Variants in ATG3 observed in about 807,000 individuals in gnomAD.
ATG3 encodes the protein autophagy related 3, also known as ubiquitin-like-conjugating enzyme ATG3.
ATG3 carries 25 observed loss-of-function variants against 50.7 expected under a neutral mutation model. That is an observed-to-expected ratio of 0.49 (90% CI 0.36 to 0.69). ATG3 has a LOEUF of 0.69. Ranked by LOEUF, ATG3 falls within the 30% of genes least tolerant of loss-of-function variation. The pLI is 0.00. For synonymous variants in ATG3, 119 were observed against 125.5 expected, an observed-to-expected ratio of 0.95 and a Z score of 0.34; for missense variants, 281 against 376.0, an observed-to-expected ratio of 0.75 and a Z score of 2.09.
Position 112,548,277 on chromosome 3 carries a change from G to A in ATG3, c.343+256C>T, listed in dbSNP as rs912394322. Among the ~76,000 whole-genome samples, 13 of 152,108 alleles carry A rather than the reference G, an allele frequency of 8.5e-5. No homozygotes were observed. The East Asian group carries it at 1.3e-3, about 16-fold the overall frequency. ...TGAGGCAGGAGAATCGCTTGAACCC[G>A]GGAGGTGGAGGTTGCAGTGAGCAAA... On this transcript the variant is annotated intron_variant, in intron 5 of 11. Coordinates refer to ENST00000283290, the MANE Select transcript of ATG3 (RefSeq NM_022488.5).
At chr3:112,555,567 C>G (rs538326158) in intron 2 of ATG3, among the ~76,000 whole-genome samples, 1 of 152,254 alleles carries the variant, frequency 6.6e-6, no homozygotes, top group South Asian at 2.1e-4. Flanking sequence ...ACTAGCTGCC[C>G]CTCTTTTTAA....
At position 112,536,579 on chromosome 3, in the gene ATG3, C is replaced by T; in HGVS notation, c.690G>A (p.Glu230=). The T allele has an allele frequency of 2.5e-6, 4 of 1,614,062 alleles. No individual in the cohort carries two copies. Among genetic ancestry groups the T allele is most frequent in the Non-Finnish European group, 3.4e-6 (4 of 1,179,994 alleles). The change falls in exon 10 of 12, where the codon GAG becomes GAA. Residue 230 remains glutamate, a synonymous_variant. Coordinates refer to ENST00000283290, the MANE Select transcript of ATG3 (RefSeq NM_022488.5). ...YDEQRQPLTV[E]HMYEDISQDH... ...CCTGACTGATGTCTTCATACATGTG[C>T]TCAACTGTTAAAGGCTGCCGTTGCT...
In ATG3 at chr3:112,550,221, G is replaced by C; in HGVS notation, c.206C>G (p.Thr69Arg). 2.5e-6 allele frequency: 4 copies of C among 1,612,996 alleles called. No homozygotes were observed. The highest frequency in any genetic ancestry group is 3.4e-6 in the Non-Finnish European group (4 of 1,179,508). ...TTTGGTTACCAAAAATTGTTTGCCTGTTGGTAGGTATGCCTTCACTTTCAA... is the reference window on the plus strand; with the variant it reads ...TTTGGTTACCAAAAATTGTTTGCCTCTTGGTAGGTATGCCTTCACTTTCAA... Reference protein sequence around the residue: ...EELKVKAYLPTGKQFLVTKNV... With the variant: ...EELKVKAYLPRGKQFLVTKNV... The change falls in exon 4 of 12, where the codon ACA (threonine) becomes AGA (arginine). Residue 69 changes from threonine (T) to arginine (R), a missense_variant. By Grantham distance (71) the Thr-to-Arg change is moderately conservative. Around this residue, in one of 3 missense-constraint regions of ATG3, gnomAD observed 242 missense variants for 305.0 expected, o/e 0.79. Transcript: ENST00000283290.
At chr3:112,556,224 G>A (rs1194437273) in intron 2 of ATG3, among the ~76,000 whole-genome samples, 1 of 152,214 alleles carries the variant, frequency 6.6e-6, no homozygotes, top group African/African-American at 2.4e-5. Context: ...ATGAAGCCTC[G>A]GCAGGGATAG....
At chr3:112,555,199 G>A (rs1352990796) in intron 2 of ATG3, among the ~76,000 whole-genome samples, 4 of 151,748 alleles carry the variant, frequency 2.6e-5, no homozygotes, top group South Asian at 2.1e-4. Context: ...CAAGAAAAAC[G>A]AAAAACAAAA....
intron 7 of ATG3, among the ~76,000 whole-genome samples, chr3:112,539,668 T>C (rs1297967240): frequency 6.6e-6 from 1 of 152,224 alleles, no homozygotes; most frequent in African/African-American, 2.4e-5. Flanking sequence ...TCATGTCTAC[T>C]GCTTTATCTC....
chr3:112,550,041 T>G, intron 4 of ATG3, 151 bp downstream of exon 4: 1 of 538,794 alleles, frequency 1.9e-6, no homozygotes, highest in Non-Finnish European at 3.2e-6. Flanking sequence ...TCTTCCTTCG[T>G]ATCTTGACAA....
intron 5 of ATG3, among the ~76,000 whole-genome samples, chr3:112,545,446 T>C (rs1330415533): frequency 6.6e-6 from 1 of 152,226 alleles, no homozygotes; most frequent in Non-Finnish European, 1.5e-5. Flanking sequence ...TATGCTTAGC[T>C]CCTTTGTTAA....
At chr3:112,536,420 A>G (rs557086662) in intron 10 of ATG3, 55 bp downstream of exon 10, 1 of 1,588,648 alleles carries the variant, frequency 6.3e-7, no homozygotes, top group African/African-American at 1.3e-5. Flanking sequence ...CAAGTAATAA[A>G]TCCATGAAAT....
At chr3:112,533,921 C>T in intron 11 of ATG3, 1 of 1,059,268 alleles carries the variant, frequency 9.4e-7, no homozygotes, top group Non-Finnish European at 1.1e-6. Flanking sequence ...CTCAGATTGA[C>T]ACAACCTAAT....
At chr3:112,555,556 T>C (rs1365591547) in intron 2 of ATG3, among the ~76,000 whole-genome samples, 1 of 152,210 alleles carries the variant, frequency 6.6e-6, no homozygotes, top group African/African-American at 2.4e-5. Context: ...CAGTATCAGA[T>C]ACTAGCTGCC....
At chr3:112,557,917 T>G (rs978548992) in intron 2 of ATG3, among the ~76,000 whole-genome samples, 7 of 151,302 alleles carry the variant, frequency 4.6e-5, no homozygotes, top group African/African-American at 1.5e-4. Context: ...CTGAAAAGGT[T>G]TTTAGCCCAG....
intron 6 of ATG3, among the ~76,000 whole-genome samples, chr3:112,543,476 C>A (rs527956749): frequency 6.6e-6 from 1 of 152,218 alleles, no homozygotes; most frequent in East Asian, 1.9e-4. Flanking sequence ...GATTAAGCTT[C>A]TATTCATTCA....
chr3:112,536,600 T>C lies in ATG3; in HGVS notation c.669A>G (p.Gln223=). 1 of 1,613,964 alleles carries C rather than the reference T, an allele frequency of 6.2e-7. No homozygotes were observed. Among genetic ancestry groups the C allele is most frequent in the Non-Finnish European group, 8.5e-7 (1 of 1,179,900 alleles). ...TGTGCTCAACTGTTAAAGGCTGCCGTTGCTGAAAGCATAAAAAATGCTTTG... is the reference window on the plus strand; with the variant it reads ...TGTGCTCAACTGTTAAAGGCTGCCGCTGCTGAAAGCATAAAAAATGCTTTG... The part of the protein sequence containing the change: ...PRLWLFGYDE[Q]RQPLTVEHMY... Residue 223 remains glutamine (Q), a splice_region_variant and synonymous_variant, in exon 10 of 12, where the codon CAA becomes CAG. Coordinates refer to ENST00000283290, the MANE Select transcript of ATG3 (RefSeq NM_022488.5).
At chr3:112,538,006 A>C in intron 8 of ATG3, 116 bp from the exon 9 acceptor site, 1 of 1,243,782 alleles carries the variant, frequency 8.0e-7, no homozygotes. Flanking sequence ...ATGAACTTGG[A>C]ACTCAAAGCT....
chr3:112,544,491 T>C (rs1198041239), intron 5 of ATG3, among the ~76,000 whole-genome samples: 1 of 151,700 alleles, frequency 6.6e-6, no homozygotes, highest in African/African-American at 2.4e-5. Flanking sequence ...CCGTTTCTAC[T>C]AAAAATACAA....
intron 2 of ATG3, among the ~76,000 whole-genome samples, chr3:112,557,020 A>G (rs1933704236): frequency 7.0e-6 from 1 of 143,182 alleles, no homozygotes; most frequent in Non-Finnish European, 1.5e-5. Flanking sequence ...ATGATCAATT[A>G]AAAAAAAAAA....
chr3:112,559,865 G>T (rs1933797106), intron 1 of ATG3, among the ~76,000 whole-genome samples: 1 of 152,166 alleles, frequency 6.6e-6, no homozygotes, highest in South Asian at 2.1e-4. Context: ...AACAAAACAT[G>T]ATTTTTCTTA....
chr3:112,537,659 T>C (rs1055881420), intron 9 of ATG3, 76 bp downstream of exon 9: 12 of 1,141,974 alleles, frequency 1.1e-5, no homozygotes, highest in Admixed American at 2.9e-5. Context: ...TAAATACTCA[T>C]GGACCTAATG....
Sources: gnomAD v4.1 joint callset for allele counts (sites outside exome capture counted in the v4.1 genomes callset) on GRCh38, gnomAD v4.1.1 for gene constraint, gnomAD v4.1.1 regional missense constraint, MANE v1.5 for transcripts, NCBI Gene and HGNC (gene_info 2026-07-23, HGNC 2026-07-21) for gene names.